The following PSPC1 variants were observed in gnomAD, a reference collection of about 807,000 sequenced individuals.
PSPC1 encodes the protein paraspeckle component 1.
Under a neutral mutation model 51.6 loss-of-function variants are expected in PSPC1, and 14 were observed. That is an observed-to-expected ratio of 0.27 (90% CI 0.18 to 0.42). The LOEUF (loss-of-function observed/expected upper bound fraction) is 0.42. PSPC1 is among the 10% of genes least tolerant of loss of function. The pLI is 1.00. For synonymous variants in PSPC1, 193 were observed against 231.9 expected, an observed-to-expected ratio of 0.83 and a Z score of 1.53; for missense variants, 406 against 701.1, an observed-to-expected ratio of 0.58 and a Z score of 4.75.
chr13:19,782,169 ACTGTGAGCG>A lies in PSPC1; in HGVS notation c.372+208_372+216del, dbSNP rs1481131897. Among the ~76,000 whole-genome samples, 1 of 152,240 alleles carries A rather than the reference ACTGTGAGCG, an allele frequency of 6.6e-6. No individual in the cohort carries two copies. Among genetic ancestry groups the A allele is most frequent in the African/African-American group, 2.4e-5 (1 of 41,470 alleles). On this transcript the variant is annotated intron_variant, in intron 1 of 8. Coordinates refer to ENST00000338910, the MANE Select transcript of PSPC1 (RefSeq NM_001354909.2). This position sits in a 1 kb window ranked among gnomAD's most constrained non-coding sequence, Gnocchi z 4.5. ...CGGCGCACGGCAGAAAACGGCGGCC[ACTGTGAGCG>A]CAGGAAATCCCGGGACCGTGAACTC... is the stretch of plus-strand genomic sequence containing the variant.
intron 3 of PSPC1, among the ~76,000 whole-genome samples, chr13:19,756,647 G>A (rs1033043367): frequency 6.6e-6 from 1 of 151,852 alleles, no homozygotes. Context: ...TTACAGATGC[G>A]TGCCACCACA....
intron 6 of PSPC1, among the ~76,000 whole-genome samples, chr13:19,725,469 G>A (rs763998965): frequency 3.9e-5 from 6 of 152,020 alleles, no homozygotes; most frequent in Admixed American, 6.6e-5. Context: ...TTCAACTCTC[G>A]GATTCAGAGG....
chr13:19,759,648 G>A (rs2138199551), intron 2 of PSPC1, among the ~76,000 whole-genome samples: 1 of 152,126 alleles, frequency 6.6e-6, no homozygotes, highest in Middle Eastern at 3.4e-3. Flanking sequence ...ATCATTTGAG[G>A]TCAGGAGTTC....
At chr13:19,714,312 T>G (rs1881817115) in intron 6 of PSPC1, among the ~76,000 whole-genome samples, 1 of 152,186 alleles carries the variant, frequency 6.6e-6, no homozygotes, top group South Asian at 2.1e-4. Flanking sequence ...TGGCGGATAT[T>G]TTCTATGAGA....
At chr13:19,687,838 T>G (rs937913987) in intron 6 of PSPC1, among the ~76,000 whole-genome samples, 4 of 152,188 alleles carry the variant, frequency 2.6e-5, no homozygotes, top group Admixed American at 6.5e-5. Flanking sequence ...ACTGTCATTC[T>G]CTTGCCAAAA....
intron 4 of PSPC1, among the ~76,000 whole-genome samples, chr13:19,748,581 GC>G (rs1484863788): frequency 1.4e-4 from 21 of 152,220 alleles, no homozygotes; most frequent in African/African-American, 4.6e-4. Context: ...AATGTTCTTT[GC>G]CATCAATATA....
In PSPC1 at chr13:19,717,705, CAAAAAAAA is replaced by C. The variant is rs780984201; in HGVS notation, c.1159-8114_1159-8107del. 1.1e-4 allele frequency among the ~76,000 whole-genome samples: 8 copies of C among 72,252 alleles called. No individual in the cohort carries two copies. In the South Asian group the frequency reaches 2.9e-3, roughly 26 times the overall value. 47.4% of individuals were successfully genotyped at this position (72,252 alleles called of 152,430 possible). A position where few individuals can be genotyped will look rare whatever the true frequency, so the allele number is the denominator to read the frequency against. On this transcript the variant is annotated intron_variant, in intron 6 of 8. Transcript: ENST00000338910. ...TGGGCAACAGAGAAAGACTCTGTCT[CAAAAAAAA>C]AAAAAAAAAAAAAAAGTTAGCCGGG...
intron 2 of PSPC1, among the ~76,000 whole-genome samples, chr13:19,768,495 A>G (rs1278189996): frequency 6.6e-6 from 1 of 150,666 alleles, no homozygotes; most frequent in Non-Finnish European, 1.5e-5. Flanking sequence ...AAATACAAAA[A>G]AAATTAGCCG....
intron 2 of PSPC1, among the ~76,000 whole-genome samples, chr13:19,760,136 T>C (rs574455003): frequency 1.3e-5 from 2 of 152,122 alleles, no homozygotes; most frequent in South Asian, 2.1e-4. Context: ...TTTCTAAATA[T>C]ATATCTTTAT....
At chr13:19,691,261 G>A (rs767989563) in intron 6 of PSPC1, among the ~76,000 whole-genome samples, 4 of 152,176 alleles carry the variant, frequency 2.6e-5, no homozygotes, top group South Asian at 2.1e-4. Context: ...TGGCTCACAC[G>A]TGTGATCCCA....
chr13:19,764,936 C>T (rs1004257038), intron 2 of PSPC1, among the ~76,000 whole-genome samples: 1 of 151,620 alleles, frequency 6.6e-6, no homozygotes, highest in Non-Finnish European at 1.5e-5. Flanking sequence ...TAGGGTTTTG[C>T]CATGTTGCCC....
chr13:19,709,444 G>A (rs1881128265), intron 7 of PSPC1, 98 bp downstream of exon 7: 1 of 921,332 alleles, frequency 1.1e-6, no homozygotes, highest in East Asian at 2.5e-5. Flanking sequence ...TGTTGGTTCT[G>A]TATTTTAGTT....
At chr13:19,764,473 A>C (rs1887872645) in intron 2 of PSPC1, among the ~76,000 whole-genome samples, 1 of 151,980 alleles carries the variant, frequency 6.6e-6, no homozygotes, top group African/African-American at 2.4e-5. Flanking sequence ...ATTGTGGCTG[A>C]TCTTTTCTTA....
chr13:19,749,678 G>C (rs986785635), intron 4 of PSPC1, among the ~76,000 whole-genome samples: 1 of 137,082 alleles, frequency 7.3e-6, no homozygotes, highest in African/African-American at 2.7e-5. Flanking sequence ...TCTGTCTGTC[G>C]CCCAGGCTGG....
intron 1 of PSPC1, among the ~76,000 whole-genome samples, chr13:19,773,793 C>T (rs1035428992): frequency 2.3e-4 from 35 of 151,852 alleles, no homozygotes; most frequent in African/African-American, 6.8e-4. Flanking sequence ...GCTGGGTTTC[C>T]GGGTGCATGC....
chr13:19,766,701 G>T (rs951068119), intron 2 of PSPC1, among the ~76,000 whole-genome samples: 1 of 151,430 alleles, frequency 6.6e-6, no homozygotes. Flanking sequence ...ATAAGAAATC[G>T]TTAGTTAACT....
chr13:19,773,762 G>A (rs1489768168), intron 1 of PSPC1, among the ~76,000 whole-genome samples: 1 of 151,896 alleles, frequency 6.6e-6, no homozygotes, highest in Non-Finnish European at 1.5e-5. Flanking sequence ...GGGCTCAAGG[G>A]ATCTTCCTGC....
intron 6 of PSPC1, among the ~76,000 whole-genome samples, chr13:19,683,728 C>A (rs1293570960): frequency 6.6e-6 from 1 of 152,006 alleles, no homozygotes; most frequent in African/African-American, 2.4e-5. Context: ...ATATAGGAAT[C>A]ATTTATAAAT....
intron 2 of PSPC1, among the ~76,000 whole-genome samples, chr13:19,762,171 C>G (rs754623242): frequency 6.6e-6 from 1 of 152,148 alleles, no homozygotes; most frequent in Non-Finnish European, 1.5e-5. Context: ...GGAACTTAAT[C>G]GATACAAACA....
Sources: allele counts gnomAD v4.1 joint callset (sites outside exome capture counted in the v4.1 genomes callset), GRCh38; gene constraint gnomAD v4.1.1; non-coding constraint Gnocchi (gnomAD v3.1); transcripts MANE v1.5; gene names NCBI Gene and HGNC (gene_info 2026-07-23, HGNC 2026-07-21).